HOXC13: variants seen among roughly 807,000 people sequenced by gnomAD.
HOXC13 encodes homeobox C13.
HOXC13 carries 10 observed loss-of-function variants against 25.9 expected under a neutral mutation model. The ratio of observed to expected loss-of-function variants is 0.39; its 90% confidence interval spans 0.24 to 0.65. The LOEUF (loss-of-function observed/expected upper bound fraction) is 0.65. HOXC13 is among the 30% of genes least tolerant of loss of function. HOXC13 has a pLI of 0.50. For synonymous variants in HOXC13, 233 were observed against 217.1 expected, an observed-to-expected ratio of 1.07 and a Z score of -0.64; for missense variants, 439 against 478.3, an observed-to-expected ratio of 0.92 and a Z score of 0.77.
In HOXC13 at chr12:53,944,968, CACTTCTTCCCGCTTGCCTT is replaced by C. The variant is rs1565705241; in HGVS notation, c.737-30_737-12del. 1.9e-6 allele frequency: 3 copies of C among 1,611,064 alleles called. No homozygotes were observed. Among genetic ancestry groups the C allele is most frequent in the Non-Finnish European group, 2.5e-6 (3 of 1,178,946 alleles). The stretch of plus-strand genomic sequence containing the variant: ...TCTATCTCAGTCCAGCCGCTTGCCT[CACTTCTTCCCGCTTGCCTT>C]ATCTCCCCGCAGACGTGGTTCCCCT... On this transcript the variant is annotated splice_polypyrimidine_tract_variant and intron_variant, in intron 1 of 1. Coordinates refer to ENST00000243056, the MANE Select transcript of HOXC13 (RefSeq NM_017410.3).
intron 1 of HOXC13, among the ~76,000 whole-genome samples, chr12:53,941,969 T>C (rs1938616976): frequency 6.6e-6 from 1 of 152,228 alleles, no homozygotes; most frequent in African/African-American, 2.4e-5. Flanking sequence ...CTCTCTACAG[T>C]GCCTCTGGCT....
rs1938679015 is a variant in HOXC13 at position 53,945,439 on chromosome 12, A to C, written c.*183A>C. 6.0e-6 allele frequency: 4 copies of C among 663,832 alleles called. No individual in the cohort carries two copies. The East Asian group carries it at 8.2e-5, about 14-fold the overall frequency. 41.1% of individuals were successfully genotyped at this position (663,832 alleles called of 1,614,324 possible). On this transcript the variant is annotated 3_prime_UTR_variant, in exon 2 of 2. Transcript: ENST00000243056. This position sits in a 1 kb window ranked among gnomAD's most constrained non-coding sequence, Gnocchi z 4.4. Reference sequence around the variant, plus strand: ...TGGGCCATCCCCAACTCCCTATCCCATCCCCAGCCTCCACCCCCATCCAGA... The same window carrying C: ...TGGGCCATCCCCAACTCCCTATCCCCTCCCCAGCCTCCACCCCCATCCAGA...
rs146279895 is a variant in HOXC13 at position 53,946,045 on chromosome 12, CCT to C, written c.*802_*803del. 2.9e-3 allele frequency: 644 copies of C among 223,892 alleles called. No homozygotes were observed. The highest frequency in any genetic ancestry group is 4.3e-3 in the East Asian group (66 of 15,412). The allele number at this position is 223,892 out of a possible 1,614,324, so 13.9% of individuals were successfully genotyped here. A position where few individuals can be genotyped will look rare whatever the true frequency, so the allele number is the denominator to read the frequency against. On this transcript the variant is annotated 3_prime_UTR_variant, in exon 2 of 2. Transcript: ENST00000243056. ...ACGCTGCTAAATAGGGCTCCTCTCT[CCT>C]CTCTCTCTCTCTAGGTGGTAAGGTT... is the stretch of plus-strand genomic sequence containing the variant.
chr12:53,941,851 C>G (rs1938615339), intron 1 of HOXC13, among the ~76,000 whole-genome samples: 1 of 152,206 alleles, frequency 6.6e-6, no homozygotes, highest in African/African-American at 2.4e-5. Context: ...CAGACACTCT[C>G]CATCTTTCTA....
Position 53,946,466 on chromosome 12 carries a change from G to A in HOXC13, c.*1210G>A, listed in dbSNP as rs1009339530. ...ATCTGTATATAGTATTGTGATGTCT[G>A]AATGACAATGTACTGAATGCAAAAA... On this transcript the variant is annotated 3_prime_UTR_variant, in exon 2 of 2. Coordinates refer to ENST00000243056, the MANE Select transcript of HOXC13 (RefSeq NM_017410.3). The A allele has an allele frequency of 4.8e-6, 1 of 206,928 alleles. No individual in the cohort carries two copies. Among genetic ancestry groups the A allele is most frequent in the Non-Finnish European group, 9.9e-6 (1 of 101,342 alleles). 12.8% of individuals were successfully genotyped at this position (206,928 alleles called of 1,614,324 possible).
intron 1 of HOXC13, among the ~76,000 whole-genome samples, chr12:53,944,716 T>A (rs2136357861): frequency 6.6e-6 from 1 of 152,190 alleles, no homozygotes; most frequent in East Asian, 1.9e-4. Context: ...TCATCATGGA[T>A]GTTTTTGTAT....
intron 1 of HOXC13, among the ~76,000 whole-genome samples, chr12:53,943,058 G>A (rs527255082): frequency 1.1e-4 from 17 of 152,194 alleles, no homozygotes; most frequent in Non-Finnish European, 2.5e-4. Context: ...GGAAAAGGAG[G>A]TGTTTTAAAG....
Position 53,939,201 on chromosome 12 carries a change from C to A in HOXC13, c.295C>A (p.Pro99Thr). 6.5e-7 allele frequency: 1 copy of A among 1,529,470 alleles called. No individual in the cohort carries two copies. The allele number at this position is 1,529,470 out of a possible 1,614,324, so 94.7% of individuals were successfully genotyped here. A position where few individuals can be genotyped will look rare whatever the true frequency, so the allele number is the denominator to read the frequency against. The stretch of plus-strand genomic sequence containing the variant: ...CGCCGTCTATACGGACATCCCGGCC[C>A]CGGAGGCGGCGCGCCAGTGTGCCCC... ...QGAVYTDIPA[P>T]EAARQCAPPP... The change falls in exon 1 of 2, where the codon CCG becomes ACG. Residue 99 changes from proline (P) to threonine (T), a missense_variant. Transcript: ENST00000243056. The surrounding 1 kb of genome is among the most constrained non-coding windows in gnomAD (Gnocchi z 6.7).
At position 53,939,391 on chromosome 12, in the gene HOXC13, G is replaced by C. The variant is rs774099647; in HGVS notation, c.485G>C (p.Gly162Ala). 3 of 1,605,720 alleles carry C rather than the reference G, an allele frequency of 1.9e-6. No homozygotes were observed. The East Asian group carries it at 6.7e-5, about 36-fold the overall frequency. The change falls in exon 1 of 2, where the codon GGT becomes GCT. Residue 162 changes from glycine (G) to alanine (A), a missense_variant. By Grantham distance (60) the Gly-to-Ala change is moderately conservative. Coordinates refer to ENST00000243056, the MANE Select transcript of HOXC13 (RefSeq NM_017410.3). This position sits in a 1 kb window ranked among gnomAD's most constrained non-coding sequence, Gnocchi z 6.7. ...CCGGAGCCGTCGGGCGCCCTGCCCG[G>C]TGACGACCTGTCCTCTAGGGCCAAG... ...KYPEPSGALP[G>A]DDLSSRAKEF...
chr12:53,945,356 T>A lies in HOXC13; in HGVS notation c.*100T>A. ...CGCGGGTGCAGAAGAGTATTTAATG[T>A]TAAGGAAAGAGAAGAACCGCGCCGC... On this transcript the variant is annotated 3_prime_UTR_variant, in exon 2 of 2. Transcript: ENST00000243056. This position sits in a 1 kb window ranked among gnomAD's most constrained non-coding sequence, Gnocchi z 4.4. The A allele has an allele frequency of 7.0e-7, 1 of 1,434,608 alleles. No homozygotes were observed. Among genetic ancestry groups the A allele is most frequent in the Non-Finnish European group, 9.5e-7 (1 of 1,050,576 alleles). 88.9% of individuals were successfully genotyped at this position (1,434,608 alleles called of 1,614,324 possible). A position where few individuals can be genotyped will look rare whatever the true frequency, so the allele number is the denominator to read the frequency against.
Position 53,939,504 on chromosome 12 carries a change from C to G in HOXC13, c.598C>G (p.His200Asp). The change falls in exon 1 of 2, where the codon CAC (histidine) becomes GAC (aspartate). Residue 200 changes from histidine to aspartate, a missense_variant. His to Asp is a moderately conservative substitution (Grantham distance 81). Coordinates refer to ENST00000243056, the MANE Select transcript of HOXC13 (RefSeq NM_017410.3). The surrounding 1 kb of genome is among the most constrained non-coding windows in gnomAD (Gnocchi z 6.7). Reference sequence around the variant, plus strand: ...GTCGGTGGTGCCCGGGATCAGCGGGCACCCGGAGCCGCGTCACGACGCCCT... The same window carrying G: ...GTCGGTGGTGCCCGGGATCAGCGGGGACCCGGAGCCGCGTCACGACGCCCT... ...DVSVVPGISG[H>D]PEPRHDALIP... is the part of the protein sequence containing the mutation. 6.2e-7 allele frequency: 1 copy of G among 1,610,662 alleles called. No individual in the cohort carries two copies. The highest frequency in any genetic ancestry group is 8.5e-7 in the Non-Finnish European group (1 of 1,179,636).
At chr12:53,943,762 T>C (rs1210495402) in intron 1 of HOXC13, among the ~76,000 whole-genome samples, 1 of 152,222 alleles carries the variant, frequency 6.6e-6, no homozygotes, top group African/African-American at 2.4e-5. Flanking sequence ...CTTTGTGTCT[T>C]CCCTCTGGGC....
intron 1 of HOXC13, among the ~76,000 whole-genome samples, chr12:53,940,313 T>G (rs1236087344): frequency 2.0e-5 from 3 of 152,194 alleles, no homozygotes; most frequent in African/African-American, 7.2e-5. Context: ...TCCTTGCCTC[T>G]TTGGTATATT....
intron 1 of HOXC13, among the ~76,000 whole-genome samples, chr12:53,942,719 AG>A (rs1221829880): frequency 2.1e-4 from 32 of 152,182 alleles, no homozygotes; most frequent in Admixed American, 2.1e-3. Context: ...AGACAAAGAA[AG>A]GGGGCTTCTT....
Position 53,939,805 on chromosome 12 carries a change from G to A in HOXC13, c.736+163G>A, listed in dbSNP as rs558113032. 6.6e-6 allele frequency among the ~76,000 whole-genome samples: 1 copy of A among 152,322 alleles called. No individual in the cohort carries two copies. The highest frequency in any genetic ancestry group is 1.9e-4 in the East Asian group (1 of 5,184). On this transcript the variant is annotated intron_variant, in intron 1 of 1. Coordinates refer to ENST00000243056, the MANE Select transcript of HOXC13 (RefSeq NM_017410.3). The surrounding 1 kb of genome is among the most constrained non-coding windows in gnomAD (Gnocchi z 6.7). ...GCGAGCTGCACTGAGGAATGCGCCG[G>A]GGAAGAAATCTGCTCCGACACGTTC...
At chr12:53,940,759 C>A (rs538313208) in intron 1 of HOXC13, among the ~76,000 whole-genome samples, 1 of 152,252 alleles carries the variant, frequency 6.6e-6, no homozygotes, top group African/African-American at 2.4e-5. Context: ...CCTTCTGATA[C>A]CTACAGAGGT....
In HOXC13 at chr12:53,945,024, T is replaced by G; in HGVS notation, c.761T>G (p.Val254Gly). 1 of 1,613,864 alleles carries G rather than the reference T, an allele frequency of 6.2e-7. No individual in the cohort carries two copies. Among genetic ancestry groups the G allele is most frequent in the Non-Finnish European group, 8.5e-7 (1 of 1,180,028 alleles). The change falls in exon 2 of 2, where the codon GTG (valine) becomes GGG (glycine). Residue 254 changes from valine to glycine, a missense_variant. Val to Gly is a moderately radical substitution (Grantham distance 109). Coordinates refer to ENST00000243056, the MANE Select transcript of HOXC13 (RefSeq NM_017410.3). The surrounding 1 kb of genome is among the most constrained non-coding windows in gnomAD (Gnocchi z 4.4). Reference sequence around the variant, plus strand: ...GACGTGGTTCCCCTGCAGCCCGAGGTGAGCAGCTACCGGCGCGGGCGCAAG... The same window carrying G: ...GACGTGGTTCCCCTGCAGCCCGAGGGGAGCAGCTACCGGCGCGGGCGCAAG... Reference protein sequence around the residue: ...FPDVVPLQPEVSSYRRGRKKR... With the variant: ...FPDVVPLQPEGSSYRRGRKKR...
chr12:53,939,024 G>T lies in HOXC13; in HGVS notation c.118G>T (p.Gly40Cys). The T allele has an allele frequency of 6.8e-7, 1 of 1,480,840 alleles. No individual in the cohort carries two copies. The highest frequency in any genetic ancestry group is 2.8e-5 in the East Asian group (1 of 35,698). 91.7% of individuals were successfully genotyped at this position (1,480,840 alleles called of 1,614,324 possible). Reference sequence around the variant, plus strand: ...CGGCGGAGGAGGAGGCGGCGGCACGGGCGGAGCGGGGGGTGGCTGCAGCGG... The same window carrying T: ...CGGCGGAGGAGGAGGCGGCGGCACGTGCGGAGCGGGGGGTGGCTGCAGCGG... ...GGGGGGGGGTGGAGGGCSGAS... is the reference protein window; with the variant it reads ...GGGGGGGGGTCGAGGGCSGAS... Residue 40 changes from glycine to cysteine, a missense_variant, in exon 1 of 2, where the codon GGC becomes TGC. Physicochemically the swap from Gly to Cys is radical, Grantham distance 159 (BLOSUM62 -3). Transcript: ENST00000243056. The surrounding 1 kb of genome is among the most constrained non-coding windows in gnomAD (Gnocchi z 6.7).
rs781653907 is a variant in HOXC13, at chr12:53,945,246, A to G, written c.983A>G (p.His328Arg). Residue 328 changes from histidine to arginine, a missense_variant, in exon 2 of 2, where the codon CAC becomes CGC. His to Arg is a conservative substitution (Grantham distance 29). Transcript: ENST00000243056. This position sits in a 1 kb window ranked among gnomAD's most constrained non-coding sequence, Gnocchi z 4.4. ...AGCAAATCGAAAGCGCCTCATCTCC[A>G]CTCCACCTGACCACCCACCCGCTGC... ...VVSKSKAPHL[H>R]ST The G allele has an allele frequency of 6.2e-7, 1 of 1,613,238 alleles. No homozygotes were observed. The highest frequency in any genetic ancestry group is 2.2e-5 in the East Asian group (1 of 44,848).
Sources: allele counts gnomAD v4.1 joint callset (sites outside exome capture counted in the v4.1 genomes callset), GRCh38; gene constraint gnomAD v4.1.1; non-coding constraint Gnocchi (gnomAD v3.1); transcripts MANE v1.5; gene names NCBI Gene and HGNC (gene_info 2026-07-23, HGNC 2026-07-21).